ABCC8: variants seen among roughly 807,000 people sequenced by gnomAD.
ABCC8 encodes ATP binding cassette subfamily C member 8, also known as ATP-binding cassette sub-family C member 8.
A neutral mutation model predicts 188.0 loss-of-function variants in ABCC8; 137 were observed. That is an observed-to-expected ratio of 0.73 (90% CI 0.63 to 0.84). The LOEUF (loss-of-function observed/expected upper bound fraction) is 0.84, where lower values mean the gene tolerates loss of function less well. Ranked by LOEUF, ABCC8 falls within the 40% of genes least tolerant of loss-of-function variation. ABCC8 has a pLI of 0.00. For missense variants in ABCC8, 1,750 were observed against 2,072.7 expected (o/e 0.84, Z 3.02); for synonymous variants, 797 against 846.5 (o/e 0.94, Z 1.01).
chr11:17,437,943 A>G (rs1463826831), intron 10 of ABCC8, among the ~76,000 whole-genome samples: 1 of 152,214 alleles, frequency 6.6e-6, no homozygotes, highest in Admixed American at 6.5e-5. Flanking sequence ...TACTAAAAAT[A>G]CAAAAAATAT....
chr11:17,460,655 G>C lies in ABCC8; in HGVS notation c.844C>G (p.Gln282Glu). 11 of 1,610,354 alleles carry C rather than the reference G, an allele frequency of 6.8e-6. No homozygotes were observed. Among genetic ancestry groups the C allele is most frequent in the South Asian group, 1.1e-5 (1 of 91,042 alleles). The stretch of plus-strand genomic sequence containing the variant: ...GCCTGCCAGATGGCCCGGGCACCTT[G>C]AGTGCCCTGAATGTCCTTCCGCTGC... ...AQVRKDIQGT[Q>E]GARAIWQALS... The change falls in exon 6 of 39, where the codon CAA becomes GAA. Residue 282 changes from glutamine (Q) to glutamate (E), a missense_variant. Gln to Glu is a conservative substitution (Grantham distance 29, BLOSUM62 2). Coordinates refer to ENST00000389817, the MANE Select transcript of ABCC8 (RefSeq NM_000352.6).
intron 2 of ABCC8, among the ~76,000 whole-genome samples, chr11:17,471,210 T>C (rs1168658534): frequency 6.6e-6 from 1 of 152,180 alleles, no homozygotes; most frequent in East Asian, 1.9e-4. Context: ...TGGAGGGGGC[T>C]GCCATGCTCA....
At chr11:17,428,094 T>G in intron 14 of ABCC8, 152 bp from the exon 15 acceptor site, 2 of 1,581,364 alleles carry the variant, frequency 1.3e-6, no homozygotes, top group Non-Finnish European at 1.7e-6. Flanking sequence ...GAGACTGGCC[T>G]TCTCATGCTG....
Position 17,404,365 on chromosome 11 carries a change from G to A in ABCC8, c.3557+147C>T, listed in dbSNP as rs1174648158. The A allele has an allele frequency of 1.2e-6, 1 of 860,674 alleles. No individual in the cohort carries two copies. Among genetic ancestry groups the A allele is most frequent in the African/African-American group, 1.7e-5 (1 of 60,016 alleles). 53.3% of individuals were successfully genotyped at this position (860,674 alleles called of 1,614,324 possible). On this transcript the variant is annotated intron_variant, in intron 28 of 38. Coordinates refer to ENST00000389817, the MANE Select transcript of ABCC8 (RefSeq NM_000352.6). This position sits in a 1 kb window ranked among gnomAD's most constrained non-coding sequence, Gnocchi z 4.7. ...ATATTAGGGCGGTGGAATAAGATGTGGATATTTCTATTTCCTTCATTTCTG... is the reference window on the plus strand; with the variant it reads ...ATATTAGGGCGGTGGAATAAGATGTAGATATTTCTATTTCCTTCATTTCTG...
At chr11:17,394,606 C>A in intron 36 of ABCC8, 2 of 531,652 alleles carry the variant, frequency 3.8e-6, no homozygotes, top group Non-Finnish European at 4.8e-6. Context: ...GAGAAGGGCA[C>A]CCCTGGAGGT....
Position 17,404,397 on chromosome 11 carries a change from G to C in ABCC8, c.3557+115C>G. ...TCTATTTCCTTCATTTCTGTTTTTT[G>C]TTTTTATTTTTTGGAGGGAACACGA... On this transcript the variant is annotated intron_variant, in intron 28 of 38. Transcript: ENST00000389817. This position sits in a 1 kb window ranked among gnomAD's most constrained non-coding sequence, Gnocchi z 4.7. 8.9e-7 allele frequency: 1 copy of C among 1,117,756 alleles called. No individual in the cohort carries two copies. The highest frequency in any genetic ancestry group is 1.4e-6 in the Non-Finnish European group (1 of 734,598). 69.2% of individuals were successfully genotyped at this position (1,117,756 alleles called of 1,614,324 possible). A position where few individuals can be genotyped will look rare whatever the true frequency, so the allele number is the denominator to read the frequency against.
chr11:17,425,408 G>C (rs1342831490), intron 16 of ABCC8, among the ~76,000 whole-genome samples: 1 of 152,188 alleles, frequency 6.6e-6, no homozygotes, highest in Non-Finnish European at 1.5e-5. Flanking sequence ...GCTCAGTTCT[G>C]TACTCATGCT....
chr11:17,394,635 G>C (rs918211612), intron 36 of ABCC8, among the ~76,000 whole-genome samples: 1 of 152,164 alleles, frequency 6.6e-6, no homozygotes, highest in Non-Finnish European at 1.5e-5. Flanking sequence ...CTGTGGCCCT[G>C]GGCAGTTCTG....
chr11:17,444,964 G>A (rs1387082206), intron 8 of ABCC8, among the ~76,000 whole-genome samples: 1 of 152,192 alleles, frequency 6.6e-6, no homozygotes, highest in African/African-American at 2.4e-5. Context: ...TATAGTTGGA[G>A]ATCAATACAA....
At chr11:17,423,266 A>G (rs1441472535) in intron 16 of ABCC8, among the ~76,000 whole-genome samples, 1 of 148,010 alleles carries the variant, frequency 6.8e-6, no homozygotes, top group Admixed American at 7.0e-5. Flanking sequence ...CTGAAGCAGG[A>G]GAATCGCTTG....
At chr11:17,476,515 A>G in intron 1 of ABCC8, 114 bp downstream of exon 1, 1 of 1,339,260 alleles carries the variant, frequency 7.5e-7, no homozygotes, top group Non-Finnish European at 1.0e-6. Context: ...CCCGGGAACG[A>G]GGCGGACGGC....
At chr11:17,467,643 G>T (rs1848246521) in intron 3 of ABCC8, among the ~76,000 whole-genome samples, 1 of 152,162 alleles carries the variant, frequency 6.6e-6, no homozygotes, top group Non-Finnish European at 1.5e-5. Context: ...TTCCCTCACG[G>T]GACAATGTAA....
intron 4 of ABCC8, among the ~76,000 whole-genome samples, chr11:17,463,106 A>G (rs1204999756): frequency 6.6e-6 from 1 of 152,148 alleles, no homozygotes; most frequent in Non-Finnish European, 1.5e-5. Context: ...AATACATTAA[A>G]GCAAAGTCCC....
At chr11:17,403,035 T>A (rs1190355838) in intron 28 of ABCC8, among the ~76,000 whole-genome samples, 1 of 152,232 alleles carries the variant, frequency 6.6e-6, no homozygotes. Context: ...TCTGTCCCTG[T>A]ACTTCTGCTG....
At chr11:17,399,301 A>AC (rs1338267929) in intron 29 of ABCC8, among the ~76,000 whole-genome samples, 5,512 of 136,254 alleles carry the variant, frequency 0.04, 301 homozygotes, top group Middle Eastern at 0.06. Context: ...AAAAAAAAAA[A>AC]AAACAAATAA....
chr11:17,428,433 A>C, intron 13 of ABCC8, 28 bp from the exon 14 acceptor site: 3 of 1,609,228 alleles, frequency 1.9e-6, no homozygotes, highest in Admixed American at 1.7e-5. Context: ...GTGAGGACCC[A>C]CTGGGCTGGG....
At position 17,430,838 on chromosome 11, in the gene ABCC8, C is replaced by T. The variant is rs1344172059; in HGVS notation, c.1793G>A (p.Arg598Gln). The change falls in exon 12 of 39, where the codon CGA becomes CAA. Residue 598 changes from arginine to glutamine, a missense_variant. Transcript: ENST00000389817. Reference protein sequence around the residue: ...TPLFLLSSVVRSTVKALVSVQ... With the variant: ...TPLFLLSSVVQSTVKALVSVQ... Reference sequence around the variant, plus strand: ...CCTCACTAGAGCTTTGACGGTAGATCGGACCACACTGGACAGCAGGAACAG... The same window carrying T: ...CCTCACTAGAGCTTTGACGGTAGATTGGACCACACTGGACAGCAGGAACAG... 2 of 1,614,062 alleles carry T rather than the reference C, an allele frequency of 1.2e-6. No homozygotes were observed. Among genetic ancestry groups the T allele is most frequent in the Non-Finnish European group, 1.7e-6 (2 of 1,180,038 alleles).
chr11:17,413,374 C>T lies in ABCC8; in HGVS notation c.2475+20G>A. The T allele has an allele frequency of 6.2e-7, 1 of 1,614,152 alleles. No homozygotes were observed. The highest frequency in any genetic ancestry group is 8.5e-7 in the Non-Finnish European group (1 of 1,180,020). ...TGGGGGTCCTGGCTTTGAAAAAACC[C>T]CTCAGAGGCTGCTACTAACCCGTTC... On this transcript the variant is annotated intron_variant, in intron 20 of 38. Transcript: ENST00000389817.
intron 3 of ABCC8, among the ~76,000 whole-genome samples, chr11:17,466,435 C>T (rs898047809): frequency 4.0e-5 from 6 of 150,872 alleles, no homozygotes; most frequent in East Asian, 1.9e-4. Context: ...TGCATGATGC[C>T]GCTTAGATGA....
Sources: gnomAD v4.1 joint callset for allele counts (sites outside exome capture counted in the v4.1 genomes callset) on GRCh38, gnomAD v4.1.1 for gene constraint, Gnocchi (gnomAD v3.1) non-coding constraint, MANE v1.5 for transcripts, NCBI Gene and HGNC (gene_info 2026-07-23, HGNC 2026-07-21) for gene names.